The following PGM5 variants were observed in gnomAD, a reference collection of about 807,000 sequenced individuals.
PGM5 encodes the protein phosphoglucomutase 5.
Under a neutral mutation model 59.2 loss-of-function variants are expected in PGM5, and 23 were observed. That is an observed-to-expected ratio of 0.39 (90% CI 0.28 to 0.55). PGM5 has a LOEUF of 0.55. PGM5 is among the 20% of genes least tolerant of loss of function. PGM5 has a pLI of 0.66. For synonymous variants in PGM5, 214 were observed against 286.0 expected, an observed-to-expected ratio of 0.75 and a Z score of 2.54; for missense variants, 574 against 748.3, an observed-to-expected ratio of 0.77 and a Z score of 2.72.
chr9:68,376,018 G>C (rs1291918484), intron 1 of PGM5, among the ~76,000 whole-genome samples: 54 of 152,362 alleles, frequency 3.5e-4, no homozygotes, highest in African/African-American at 9.4e-4. Flanking sequence ...GGGCGATGGA[G>C]AATGGTACAT....
chr9:68,493,882 A>G (rs1305603474), intron 9 of PGM5, among the ~76,000 whole-genome samples: 1 of 152,230 alleles, frequency 6.6e-6, no homozygotes, highest in Non-Finnish European at 1.5e-5. Context: ...GTGTGGAGAT[A>G]GCTGCATATG....
chr9:68,453,297 T>C (rs1449032613), intron 6 of PGM5, among the ~76,000 whole-genome samples: 2 of 152,218 alleles, frequency 1.3e-5, no homozygotes, highest in African/African-American at 4.8e-5. Flanking sequence ...TGTAATTCCT[T>C]TGGAAATTCA....
rs200519227 is a variant in PGM5 at position 68,467,833 on chromosome 9, C to CT, written c.1159+2630dup. On this transcript the variant is annotated intron_variant, in intron 7 of 10. Transcript: ENST00000396396. ...TGAAGAGAAGCTATTGATTAATATG[C>CT]TTTTTCTCTGGTTTGCAACTTCCTT... is the stretch of plus-strand genomic sequence containing the variant. Among the ~76,000 whole-genome samples the CT allele has an allele frequency of 4.5e-3, 674 of 150,296 alleles. 3 individuals are homozygous for CT. The highest frequency in any genetic ancestry group is 0.01 in the Middle Eastern group (3 of 292).
At chr9:68,448,052 G>C (rs1224240507) in intron 6 of PGM5, among the ~76,000 whole-genome samples, 2 of 152,144 alleles carry the variant, frequency 1.3e-5, no homozygotes, top group Non-Finnish European at 2.9e-5. Flanking sequence ...TTACAAGATG[G>C]GGAAGAGGGA....
chr9:68,493,539 C>A (rs1275773308), intron 9 of PGM5, among the ~76,000 whole-genome samples: 2 of 152,190 alleles, frequency 1.3e-5, no homozygotes, highest in African/African-American at 4.8e-5. Flanking sequence ...AGTGTTTTAA[C>A]TTCTTTCTTT....
At chr9:68,429,427 TG>T (rs1163120000) in intron 6 of PGM5, 1 of 152,114 alleles carries the variant, frequency 6.6e-6, no homozygotes, top group East Asian at 1.9e-4. Context: ...AGCAGGAGAA[TG>T]GCAATCATAT....
chr9:68,511,754 A>G (rs1416390891), intron 10 of PGM5, among the ~76,000 whole-genome samples: 1 of 151,624 alleles, frequency 6.6e-6, no homozygotes, highest in Admixed American at 6.6e-5. Context: ...TTTCACCACC[A>G]TTATTTTTAT....
chr9:68,528,999 A>G (rs950436176), intron 10 of PGM5, among the ~76,000 whole-genome samples: 1 of 152,132 alleles, frequency 6.6e-6, no homozygotes, highest in Non-Finnish European at 1.5e-5. Flanking sequence ...CACCTCCTCC[A>G]GAAAACCCAC....
At chr9:68,412,079 C>A (rs1323140820) in intron 6 of PGM5, among the ~76,000 whole-genome samples, 3 of 149,096 alleles carry the variant, frequency 2.0e-5, no homozygotes, top group African/African-American at 5.0e-5. Flanking sequence ...CCATACATAG[C>A]ACTTTGTTAC....
At chr9:68,475,005 C>G (rs1326331553) in intron 7 of PGM5, among the ~76,000 whole-genome samples, 2 of 149,112 alleles carry the variant, frequency 1.3e-5, no homozygotes, top group African/African-American at 5.0e-5. Flanking sequence ...ACTTTGTTTA[C>G]TTTATTTTTA....
chr9:68,487,452 T>TGA (rs2132095932), intron 9 of PGM5, among the ~76,000 whole-genome samples: 1 of 124,238 alleles, frequency 8.0e-6, no homozygotes, highest in East Asian at 2.3e-4. Context: ...TCTCTCTGTG[T>TGA]CACACGCACA....
At chr9:68,419,711 A>G (rs1214748280) in intron 6 of PGM5, among the ~76,000 whole-genome samples, 1 of 152,230 alleles carries the variant, frequency 6.6e-6, no homozygotes, top group Non-Finnish European at 1.5e-5. Flanking sequence ...AATGTCAGTT[A>G]TCTCAGAGCC....
intron 9 of PGM5, among the ~76,000 whole-genome samples, chr9:68,496,229 G>A (rs1554688140): frequency 6.6e-6 from 1 of 152,204 alleles, no homozygotes; most frequent in African/African-American, 2.4e-5. Context: ...ATGCTATTGG[G>A]TGATGACACA....
intron 9 of PGM5, among the ~76,000 whole-genome samples, chr9:68,491,028 T>C (rs1342221613): frequency 6.6e-6 from 1 of 152,216 alleles, no homozygotes; most frequent in East Asian, 1.9e-4. Flanking sequence ...TAGTCTAATA[T>C]GGTGAAGGTT....
At position 68,461,526 on chromosome 9, in the gene PGM5, G is replaced by T. The variant is rs1318615146; in HGVS notation, c.1044-3567G>T. Among the ~76,000 whole-genome samples the T allele has an allele frequency of 2.6e-5, 4 of 152,186 alleles. No homozygotes were observed. The East Asian group carries it at 7.7e-4, about 29-fold the overall frequency. On this transcript the variant is annotated intron_variant, in intron 6 of 10. Coordinates refer to ENST00000396396, the MANE Select transcript of PGM5 (RefSeq NM_021965.4). The stretch of plus-strand genomic sequence containing the variant: ...CCTCCAAAATTCAGGTGTTGCCAAT[G>T]TGATAGTATTCAGAGATAGGGCCTT...
chr9:68,514,997 C>T (rs189570785), intron 10 of PGM5, among the ~76,000 whole-genome samples: 2 of 152,310 alleles, frequency 1.3e-5, no homozygotes, highest in Admixed American at 1.3e-4. Context: ...CACAATTATA[C>T]TAGTTGAGCT....
intron 6 of PGM5, among the ~76,000 whole-genome samples, chr9:68,410,155 A>C (rs2480126): frequency 6.6e-6 from 1 of 152,234 alleles, no homozygotes; most frequent in Non-Finnish European, 1.5e-5. Context: ...AGGATGAAGA[A>C]GAAGGGCAAA....
chr9:68,407,550 C>G (rs1448712800), intron 6 of PGM5, among the ~76,000 whole-genome samples: 2 of 152,088 alleles, frequency 1.3e-5, no homozygotes, highest in African/African-American at 4.8e-5. Context: ...AGTCCCATCT[C>G]TTTAGAAAAA....
In PGM5 at chr9:68,357,200, G is replaced by C. The variant is rs1403720659; in HGVS notation, c.73G>C (p.Gly25Arg). The change falls in exon 1 of 11, where the codon GGG becomes CGG. Residue 25 changes from glycine (G) to arginine (R), a missense_variant. Transcript: ENST00000396396. ...CGAGGACCAGCGGCCGGCCGGCGGC[G>C]GGGGTCTGCGGCGACCCACCGGCCT... ...PYEDQRPAGGGGLRRPTGLFE... is the reference protein window; with the variant it reads ...PYEDQRPAGGRGLRRPTGLFE... 2 of 1,539,810 alleles carry C rather than the reference G, an allele frequency of 1.3e-6. No individual in the cohort carries two copies. Among genetic ancestry groups the C allele is most frequent in the Non-Finnish European group, 8.7e-7 (1 of 1,145,754 alleles).
Sources: gnomAD v4.1 joint callset for allele counts (sites outside exome capture counted in the v4.1 genomes callset) on GRCh38, gnomAD v4.1.1 for gene constraint, MANE v1.5 for transcripts, NCBI Gene and HGNC (gene_info 2026-07-23, HGNC 2026-07-21) for gene names.